Variants in HEPHL1 observed in about 807,000 individuals in gnomAD.
HEPHL1 encodes hephaestin like 1, also known as ferroxidase HEPHL1.
In HEPHL1, 123 loss-of-function variants were observed where a neutral mutation model predicts 122.0. The ratio of observed to expected loss-of-function variants is 1.01; its 90% CI spans 0.87 to 1.17. HEPHL1 has a LOEUF of 1.17. Among genes scored for constraint, HEPHL1 ranks in the 50% most tolerant of loss-of-function variants. The probability of loss-of-function intolerance (pLI) is 0.00; values close to 1 mark genes in which losing one functional copy is unlikely to be tolerated. For missense variants in HEPHL1, 1,452 were observed against 1,430.5 expected, an observed-to-expected ratio of 1.01 and a Z score of -0.24; for synonymous variants, 527 against 508.9, an observed-to-expected ratio of 1.04 and a Z score of -0.48.
In HEPHL1 at chr11:94,082,566, A is replaced by C; in HGVS notation, c.1865A>C (p.His622Pro). 3 of 1,606,078 alleles carry C rather than the reference A, an allele frequency of 1.9e-6. No individual in the cohort carries two copies. The highest frequency in any genetic ancestry group is 1.7e-6 in the Non-Finnish European group (2 of 1,176,004). Residue 622 changes from histidine to proline, a missense_variant and splice_region_variant, in exon 10 of 20, where the codon CAT becomes CCT. Coordinates refer to ENST00000315765, the MANE Select transcript of HEPHL1 (RefSeq NM_001098672.2). ...GAGTTTGTGAAATCCAACCGAATGC[A>C]TGGTATGACAAATGACATTCCCGCC... is the stretch of plus-strand genomic sequence containing the variant. ...DKEFVKSNRMHAVNGYMYGNQ... is the reference protein window; with the variant it reads ...DKEFVKSNRMPAVNGYMYGNQ...
intron 4 of HEPHL1, 78 bp from the exon 5 acceptor site, chr11:94,067,417 TA>T (rs1565353338): frequency 8.4e-6 from 12 of 1,425,964 alleles, no homozygotes; most frequent in Non-Finnish European, 1.9e-6. Flanking sequence ...CAGCCATGCT[TA>T]AGCCCGTATT....
At chr11:94,103,272 C>CAA (rs1565363166) in intron 15 of HEPHL1, among the ~76,000 whole-genome samples, 1 of 108,102 alleles carries the variant, frequency 9.3e-6, no homozygotes, top group African/African-American at 4.0e-5. Context: ...TTTTTTTTTC[C>CAA]CAAAAAAAAA....
In HEPHL1 at chr11:94,086,010, G is replaced by A. The variant is rs1946214172; in HGVS notation, c.1901G>A (p.Gly634Asp). ...VNGYMYGNQP[G>D]LNMCKRDRVS... ...GGCTACATGTATGGCAACCAGCCAG[G>A]CTTAAACATGTGTAAAAGGGATAGA... The change falls in exon 11 of 20, where the codon GGC becomes GAC. Residue 634 changes from glycine to aspartate, a missense_variant. Gly to Asp is a moderately conservative substitution (Grantham distance 94, BLOSUM62 -1). Coordinates refer to ENST00000315765, the MANE Select transcript of HEPHL1 (RefSeq NM_001098672.2). 1 of 1,613,832 alleles carries A rather than the reference G, an allele frequency of 6.2e-7. No homozygotes were observed. The highest frequency in any genetic ancestry group is 8.5e-7 in the Non-Finnish European group (1 of 1,179,834).
Position 94,107,853 on chromosome 11 carries a change from T to C in HEPHL1, c.3045+1723T>C, listed in dbSNP as rs1232630474. Reference sequence around the variant, plus strand: ...CAAATCAAGTCATTACAAACATTTGTGCACATGTTTTTGTGTGAACATATG... The same window carrying C: ...CAAATCAAGTCATTACAAACATTTGCGCACATGTTTTTGTGTGAACATATG... On this transcript the variant is annotated intron_variant, in intron 17 of 19. Coordinates refer to ENST00000315765, the MANE Select transcript of HEPHL1 (RefSeq NM_001098672.2). Among the ~76,000 whole-genome samples, 7 of 81,216 alleles carry C rather than the reference T, an allele frequency of 8.6e-5. No homozygotes were observed. The Admixed American group carries it at 1.1e-3, about 13-fold the overall frequency. The allele number at this position is 81,216 out of a possible 152,430, so 53.3% of individuals were successfully genotyped here.
At chr11:94,084,704 C>T (rs1284042971) in intron 10 of HEPHL1, among the ~76,000 whole-genome samples, 1 of 152,094 alleles carries the variant, frequency 6.6e-6, no homozygotes, top group African/African-American at 2.4e-5. Context: ...TTTATTAGCA[C>T]CTTGATTTAT....
chr11:94,071,738 T>A (rs1946075616), intron 6 of HEPHL1, among the ~76,000 whole-genome samples: 2 of 152,150 alleles, frequency 1.3e-5, no homozygotes, highest in South Asian at 4.1e-4. Flanking sequence ...TAGTGAGTTA[T>A]CTGGATGCTC....
At chr11:94,028,232 G>A (rs1945643737) in intron 1 of HEPHL1, among the ~76,000 whole-genome samples, 1 of 152,114 alleles carries the variant, frequency 6.6e-6, no homozygotes, top group South Asian at 2.1e-4. Context: ...TAAAACTCTT[G>A]CATGCAGGGA....
chr11:94,106,110 G>T lies in HEPHL1; in HGVS notation c.3025G>T (p.Ala1009Ser). 2 of 1,565,068 alleles carry T rather than the reference G, an allele frequency of 1.3e-6. No homozygotes were observed. Among genetic ancestry groups the T allele is most frequent in the Non-Finnish European group, 8.7e-7 (1 of 1,149,094 alleles). ...EVDIHTIHYH[A>S]ESFLFKIDKS... is the part of the protein sequence containing the mutation. ...GGACATACATACCATCCATTATCAT[G>T]CTGAGAGCTTTCTTTTCAAAGTAAG... Residue 1009 changes from alanine to serine, a missense_variant, in exon 17 of 20, where the codon GCT (alanine) becomes TCT (serine). By Grantham distance (99) the Ala-to-Ser change is moderately conservative. Coordinates refer to ENST00000315765, the MANE Select transcript of HEPHL1 (RefSeq NM_001098672.2).
intron 17 of HEPHL1, among the ~76,000 whole-genome samples, chr11:94,109,409 G>A (rs1056436617): frequency 5.9e-5 from 9 of 152,080 alleles, no homozygotes; most frequent in African/African-American, 2.2e-4. Flanking sequence ...TGGTGAAAGT[G>A]GACATCCTCA....
intron 9 of HEPHL1, among the ~76,000 whole-genome samples, chr11:94,082,211 T>A (rs1386458084): frequency 6.6e-6 from 1 of 152,200 alleles, no homozygotes; most frequent in African/African-American, 2.4e-5. Context: ...GGAGGACGGA[T>A]GTAACAAGAA....
rs781147374 is a variant in HEPHL1 at position 94,045,790 on chromosome 11, G to A, written c.288G>A (p.Trp96Ter). ...TYSIEIPKPP[W>*]LGFLGPILRA... ...CCATAGAGATCCCCAAACCTCCCTG[G>A]CTTGGATTCCTGGGCCCCATCTTGA... Residue 96 changes from tryptophan to a stop codon, truncating the protein, a stop_gained, in exon 2 of 20, where the codon TGG (tryptophan) becomes TGA (stop). Coordinates refer to ENST00000315765, the MANE Select transcript of HEPHL1 (RefSeq NM_001098672.2). LOFTEE classifies it high-confidence loss of function. 5 of 1,613,798 alleles carry A rather than the reference G, an allele frequency of 3.1e-6. No homozygotes were observed. The African/African-American group carries it at 6.7e-5, about 22-fold the overall frequency.
intron 9 of HEPHL1, among the ~76,000 whole-genome samples, chr11:94,076,601 A>T (rs1258432213): frequency 7.2e-6 from 1 of 139,814 alleles, no homozygotes; most frequent in Non-Finnish European, 1.6e-5. Flanking sequence ...CACTTACACA[A>T]AATTCATGAA....
chr11:94,036,155 G>A (rs1945720472), intron 1 of HEPHL1, among the ~76,000 whole-genome samples: 3 of 152,232 alleles, frequency 2.0e-5, no homozygotes, highest in African/African-American at 7.2e-5. Flanking sequence ...AGTCATACAT[G>A]AGTAGAAACT....
At chr11:94,079,740 G>C (rs1946153576) in intron 9 of HEPHL1, among the ~76,000 whole-genome samples, 2 of 152,182 alleles carry the variant, frequency 1.3e-5, no homozygotes, top group South Asian at 4.1e-4. Context: ...AGGCTGAACA[G>C]GTAGGCAGGA....
intron 1 of HEPHL1, among the ~76,000 whole-genome samples, chr11:94,042,657 T>C (rs1945792585): frequency 1.4e-5 from 2 of 141,778 alleles, no homozygotes; most frequent in Non-Finnish European, 3.0e-5. Flanking sequence ...TTCTCACTCA[T>C]AGGTGGGAAT....
At chr11:94,079,297 C>G (rs1218371295) in intron 9 of HEPHL1, among the ~76,000 whole-genome samples, 1 of 152,108 alleles carries the variant, frequency 6.6e-6, no homozygotes. Flanking sequence ...AGAAGAATAG[C>G]ATTAGAACCT....
intron 4 of HEPHL1, 83 bp from the exon 5 acceptor site, chr11:94,067,413 T>C (rs1946042956): frequency 1.1e-5 from 15 of 1,389,052 alleles, no homozygotes; most frequent in African/African-American, 1.4e-5. Flanking sequence ...TTTCCAGCCA[T>C]GCTTAAGCCC....
At chr11:94,057,768 A>G (rs1727998018) in intron 2 of HEPHL1, among the ~76,000 whole-genome samples, 1 of 152,168 alleles carries the variant, frequency 6.6e-6, no homozygotes, top group Admixed American at 6.6e-5. Flanking sequence ...CTATAAGGAC[A>G]TATAGAGAGA....
intron 1 of HEPHL1, among the ~76,000 whole-genome samples, chr11:94,024,377 CA>C (rs1431789771): frequency 6.6e-6 from 1 of 152,038 alleles, no homozygotes; most frequent in Non-Finnish European, 1.5e-5. Flanking sequence ...AGTGTAATGC[CA>C]AAGCATTAGA....
Sources: gnomAD v4.1 joint callset for allele counts (sites outside exome capture counted in the v4.1 genomes callset) on GRCh38, gnomAD v4.1.1 for gene constraint, MANE v1.5 for transcripts, NCBI Gene and HGNC (gene_info 2026-07-23, HGNC 2026-07-21) for gene names.